GATD1: variants seen among roughly 807,000 people sequenced by gnomAD.
GATD1 encodes the protein glutamine amidotransferase-like class 1 domain-containing protein 1.
A neutral mutation model predicts 25.9 loss-of-function variants in GATD1; 23 were observed. The observed-to-expected ratio is 0.89, with a 90% CI of 0.64 to 1.26. The LOEUF (loss-of-function observed/expected upper bound fraction) is 1.26. GATD1 is among the 50% of genes most tolerant of loss of function. GATD1 has a pLI of 0.00. For missense variants in GATD1, 347 were observed against 312.5 expected (o/e 1.11, Z -0.83); for synonymous variants, 177 against 134.6 (o/e 1.31, Z -2.18).
Position 767,424 on chromosome 11 carries a change from C to T in GATD1, c.*3473G>A, listed in dbSNP as rs577689428. 6.6e-7 allele frequency: 1 copy of T among 1,514,494 alleles called. No homozygotes were observed. Among genetic ancestry groups the T allele is most frequent in the African/African-American group, 1.4e-5 (1 of 72,418 alleles). 93.8% of individuals were successfully genotyped at this position (1,514,494 alleles called of 1,614,324 possible). ...CGGGGAGGCTCTCCAAGCCAGAGGC[C>T]TCGCACGCAGCTGAGGAATGACGCA... On this transcript the variant is annotated 3_prime_UTR_variant, in exon 8 of 8. Coordinates refer to ENST00000319863, the MANE Select transcript of GATD1 (RefSeq NM_182612.4).
At chr11:775,699 C>CT (rs1432914730) in intron 1 of GATD1, among the ~76,000 whole-genome samples, 1 of 152,152 alleles carries the variant, frequency 6.6e-6, no homozygotes. Flanking sequence ...CAGAGGGACC[C>CT]TTTCCTCACA....
chr11:777,245 C>CCCGCT, intron 1 of GATD1, 154 bp downstream of exon 1: 1 of 363,438 alleles, frequency 2.8e-6, no homozygotes, highest in South Asian at 1.3e-4. Context: ...CGACACCGAC[C>CCCGCT]CCGCTCCGCC....
At chr11:773,496 TC>T in intron 4 of GATD1, 25 bp downstream of exon 4, 1 of 1,563,608 alleles carries the variant, frequency 6.4e-7, no homozygotes, top group Admixed American at 1.7e-5. Flanking sequence ...ATCCAACCCC[TC>T]CCCTGGGTCC....
At chr11:774,977 CA>C (rs1863814196) in intron 2 of GATD1, 88 bp downstream of exon 2, 1 of 1,249,694 alleles carries the variant, frequency 8.0e-7, no homozygotes, top group African/African-American at 1.5e-5. Context: ...CCACTCCTCC[CA>C]GGCCGCGGCG....
Position 770,627 on chromosome 11 carries a change from T to G in GATD1, c.*270A>C. 2.1e-6 allele frequency: 3 copies of G among 1,416,582 alleles called. No individual in the cohort carries two copies. The highest frequency in any genetic ancestry group is 2.8e-6 in the Non-Finnish European group (3 of 1,089,048). The allele number at this position is 1,416,582 out of a possible 1,614,324, so 87.8% of individuals were successfully genotyped here. On this transcript the variant is annotated 3_prime_UTR_variant, in exon 8 of 8. Transcript: ENST00000319863. ...CAGCCTGGAATTCCCGAGGACCACCTAGCAGCTAGCACAGCTCTCCAGGCA... is the reference window on the plus strand; with the variant it reads ...CAGCCTGGAATTCCCGAGGACCACCGAGCAGCTAGCACAGCTCTCCAGGCA...
intron 1 of GATD1, 77 bp downstream of exon 1, chr11:777,322 C>T: frequency 8.8e-7 from 1 of 1,130,740 alleles, no homozygotes; most frequent in Non-Finnish European, 1.1e-6. Flanking sequence ...GCGCGCCCAC[C>T]GTGTCCCGAA....
intron 3 of GATD1, 27 bp downstream of exon 3, chr11:773,981 C>G (rs778500069): frequency 6.2e-7 from 1 of 1,605,410 alleles, no homozygotes; most frequent in African/African-American, 1.3e-5. Context: ...AGGCACCCCA[C>G]CCCCAAGGAG....
At chr11:776,430 C>A (rs1863988427) in intron 1 of GATD1, among the ~76,000 whole-genome samples, 1 of 152,154 alleles carries the variant, frequency 6.6e-6, no homozygotes, top group Non-Finnish European at 1.5e-5. Flanking sequence ...CCTGCTGGCG[C>A]TAAGACCCCA....
rs1172899609 is a variant in GATD1 at position 771,311 on chromosome 11, A to G, written c.544+22T>C. The G allele has an allele frequency of 1.9e-6, 3 of 1,605,066 alleles. No homozygotes were observed. In the African/African-American group the frequency reaches 4.0e-5, roughly 21 times the overall value. ...CCCCCACCCCATCTTCTGTAAGTGC[A>G]GGGGGCACCCTCGAGGCTCACCACT... is the stretch of plus-strand genomic sequence containing the variant. On this transcript the variant is annotated intron_variant, in intron 6 of 7. Transcript: ENST00000319863.
At chr11:776,497 C>T (rs1863995173) in intron 1 of GATD1, among the ~76,000 whole-genome samples, 1 of 151,866 alleles carries the variant, frequency 6.6e-6, no homozygotes, top group South Asian at 2.1e-4. Flanking sequence ...AAGCCCCAAC[C>T]CACCCCCCCA....
chr11:775,224 T>C, intron 1 of GATD1, 82 bp from the exon 2 acceptor site: 2 of 1,160,882 alleles, frequency 1.7e-6, no homozygotes, highest in Non-Finnish European at 2.5e-6. Flanking sequence ...CCCCATGGCC[T>C]CGACTGACCC....
intron 4 of GATD1, among the ~76,000 whole-genome samples, chr11:772,840 GC>G (rs1433227535): frequency 1.3e-5 from 2 of 152,196 alleles, no homozygotes; most frequent in Non-Finnish European, 2.9e-5. Flanking sequence ...CTAGGACGCT[GC>G]CCGGCAGCCC....
At position 767,504 on chromosome 11, in the gene GATD1, C is replaced by A; in HGVS notation, c.*3393G>T. 1 of 1,429,210 alleles carries A rather than the reference C, an allele frequency of 7.0e-7. No individual in the cohort carries two copies. Among genetic ancestry groups the A allele is most frequent in the Non-Finnish European group, 9.1e-7 (1 of 1,097,466 alleles). 88.5% of individuals were successfully genotyped at this position (1,429,210 alleles called of 1,614,324 possible). On this transcript the variant is annotated 3_prime_UTR_variant, in exon 8 of 8. Coordinates refer to ENST00000319863, the MANE Select transcript of GATD1 (RefSeq NM_182612.4). ...GGTCTGTGGGGCCCCGCGTCAGAAC[C>A]CACTTCACATCCCAAAGCCCCACCT...
In GATD1 at chr11:773,604, G is replaced by C. The variant is rs1863667086; in HGVS notation, c.273C>G (p.Ile91Met). 6.2e-7 allele frequency: 1 copy of C among 1,608,904 alleles called. No individual in the cohort carries two copies. Among genetic ancestry groups the C allele is most frequent in the African/African-American group, 1.3e-5 (1 of 74,652 alleles). The change falls in exon 4 of 8, where the codon ATC becomes ATG. Residue 91 changes from isoleucine (I) to methionine (M), a missense_variant. Transcript: ENST00000319863. ...CGGTCAGGGCCCCAGGACAGCTGGGGATCAGGAGGGCATGGTACCGGGCAC... is the reference window on the plus strand; with the variant it reads ...CGGTCAGGGCCCCAGGACAGCTGGGCATCAGGAGGGCATGGTACCGGGCAC... The part of the protein sequence containing the change: ...IDGARYHALL[I>M]PSCPGALTDL...
At chr11:774,644 A>G (rs1478883428) in intron 2 of GATD1, among the ~76,000 whole-genome samples, 4 of 152,234 alleles carry the variant, frequency 2.6e-5, no homozygotes, top group African/African-American at 4.8e-5. Context: ...CATCCTGGCC[A>G]ACACGGTGAA....
intron 1 of GATD1, among the ~76,000 whole-genome samples, chr11:776,064 C>T (rs1863942855): frequency 2.2e-5 from 3 of 136,382 alleles, no homozygotes; most frequent in East Asian, 2.2e-4. Context: ...CTCACTGCAA[C>T]CTCCACCTTC....
At position 770,117 on chromosome 11, in the gene GATD1, C is replaced by T. The variant is rs990625900; in HGVS notation, c.*780G>A. 98 of 1,226,662 alleles carry T rather than the reference C, an allele frequency of 8.0e-5. No individual in the cohort carries two copies. Among genetic ancestry groups the T allele is most frequent in the Middle Eastern group, 3.0e-4 (1 of 3,356 alleles). The allele number at this position is 1,226,662 out of a possible 1,614,324, so 76.0% of individuals were successfully genotyped here. On this transcript the variant is annotated 3_prime_UTR_variant, in exon 8 of 8. Coordinates refer to ENST00000319863, the MANE Select transcript of GATD1 (RefSeq NM_182612.4). ...CCTAACCTGGGGCCAGGGGGCAGCCCGCTGGAGGGCCACAGCCCAGGCCAG... is the reference window on the plus strand; with the variant it reads ...CCTAACCTGGGGCCAGGGGGCAGCCTGCTGGAGGGCCACAGCCCAGGCCAG...
rs1449129022 is a variant in GATD1, at chr11:769,907, C to T, written c.*990G>A. On this transcript the variant is annotated 3_prime_UTR_variant, in exon 8 of 8. Coordinates refer to ENST00000319863, the MANE Select transcript of GATD1 (RefSeq NM_182612.4). ...CTGGGGTTACAGGTGTGAGCCACTGCGCCCGGCCCAACTGAACGGTTTTAT... is the reference window on the plus strand; with the variant it reads ...CTGGGGTTACAGGTGTGAGCCACTGTGCCCGGCCCAACTGAACGGTTTTAT... 2.0e-6 allele frequency: 2 copies of T among 989,310 alleles called. No individual in the cohort carries two copies. Among genetic ancestry groups the T allele is most frequent in the Non-Finnish European group, 1.2e-6 (1 of 832,606 alleles). 61.3% of individuals were successfully genotyped at this position (989,310 alleles called of 1,614,324 possible).
Position 770,659 on chromosome 11 carries a change from G to A in GATD1, c.*238C>T. ...TAGCACAGCTCTCCAGGCACGTGGG[G>A]TCTTTTCTCTGCCTCCTACCAGAGA... On this transcript the variant is annotated 3_prime_UTR_variant, in exon 8 of 8. Coordinates refer to ENST00000319863, the MANE Select transcript of GATD1 (RefSeq NM_182612.4). 1 of 1,420,076 alleles carries A rather than the reference G, an allele frequency of 7.0e-7. No individual in the cohort carries two copies. Among genetic ancestry groups the A allele is most frequent in the Non-Finnish European group, 9.2e-7 (1 of 1,090,950 alleles). 88.0% of individuals were successfully genotyped at this position (1,420,076 alleles called of 1,614,324 possible).
Sources: allele counts gnomAD v4.1 joint callset (sites outside exome capture counted in the v4.1 genomes callset), GRCh38; gene constraint gnomAD v4.1.1; transcripts MANE v1.5; gene names NCBI Gene and HGNC (gene_info 2026-07-23, HGNC 2026-07-21).